TYSND1: variants seen among roughly 807,000 people sequenced by gnomAD.
TYSND1 encodes trypsin like peroxisomal matrix peptidase 1.
TYSND1 carries 30 observed loss-of-function variants against 37.2 expected under a neutral mutation model. The ratio of observed to expected loss-of-function variants is 0.81; its 90% CI spans 0.60 to 1.09. The LOEUF (loss-of-function observed/expected upper bound fraction) is 1.09, where lower values mean the gene tolerates loss of function less well. Among genes scored for constraint, TYSND1 ranks in the 50% least tolerant of loss-of-function variants. The probability of loss-of-function intolerance (pLI) is 0.00; values close to 1 mark genes in which losing one functional copy is unlikely to be tolerated. For synonymous variants in TYSND1, 364 were observed against 383.8 expected, an observed-to-expected ratio of 0.95 and a Z score of 0.60; for missense variants, 806 against 817.4, an observed-to-expected ratio of 0.99 and a Z score of 0.17.
Position 70,140,021 on chromosome 10 carries a change from A to G in TYSND1, c.1604T>C (p.Leu535Pro). The change falls in exon 4 of 4, where the codon CTA becomes CCA. Residue 535 changes from leucine to proline, a missense_variant. Around this residue, in one of 3 missense-constraint regions of TYSND1, gnomAD observed 708 missense variants for 705.4 expected, o/e 1.00. Coordinates refer to ENST00000287078, the MANE Select transcript of TYSND1 (RefSeq NM_173555.4). ...GCGGTCCAGCTCACGGAGGCCACCTAGGTCTTGGGTCTGGCTGTACTGCTG... is the reference window on the plus strand; with the variant it reads ...GCGGTCCAGCTCACGGAGGCCACCTGGGTCTTGGGTCTGGCTGTACTGCTG... ...ALQQYSQTQD[L>P]GGLRELDRAA... 1 of 1,614,190 alleles carries G rather than the reference A, an allele frequency of 6.2e-7. No individual in the cohort carries two copies. Among genetic ancestry groups the G allele is most frequent in the Non-Finnish European group, 8.5e-7 (1 of 1,180,014 alleles).
chr10:70,142,418 C>A (rs1039216714), intron 3 of TYSND1, among the ~76,000 whole-genome samples: 2 of 152,266 alleles, frequency 1.3e-5, no homozygotes, highest in Middle Eastern at 3.4e-3. Context: ...TCCAACTCCT[C>A]AATTTCACAG....
chr10:70,140,194 T>C, intron 3 of TYSND1, 53 bp from the exon 4 acceptor site: 1 of 1,483,216 alleles, frequency 6.7e-7, no homozygotes, highest in Non-Finnish European at 9.2e-7. Context: ...GCAGAAAGGC[T>C]GGAGAAGGGA....
chr10:70,146,618 C>T lies in TYSND1; in HGVS notation c.-32G>A, dbSNP rs1589869927. 1 of 1,472,684 alleles carries T rather than the reference C, an allele frequency of 6.8e-7. No individual in the cohort carries two copies. The highest frequency in any genetic ancestry group is 8.9e-7 in the Non-Finnish European group (1 of 1,118,574). The allele number at this position is 1,472,684 out of a possible 1,614,324, so 91.2% of individuals were successfully genotyped here. The stretch of plus-strand genomic sequence containing the variant: ...TAGGCCGGACACTCGGGAGCTTCTC[C>T]GAGAAACAGCAAGCTAGCGAGCGAG... On this transcript the variant is annotated 5_prime_UTR_variant, in exon 1 of 4. Transcript: ENST00000287078.
rs761934203 is a variant in TYSND1, at chr10:70,142,711, G to A, written c.1440C>T (p.Ser480=). The part of the protein sequence containing the change: ...LQTTCAVHSG[S]SGGPLFSNHS... ...GGTTGGAGAAGAGGGGTCCCCCACT[G>A]GAGCCGCTGTGCACAGCACACGTGG... Residue 480 remains serine, a synonymous_variant, in exon 3 of 4, where the codon TCC becomes TCT. Coordinates refer to ENST00000287078, the MANE Select transcript of TYSND1 (RefSeq NM_173555.4). The A allele has an allele frequency of 6.2e-7, 1 of 1,609,576 alleles. No homozygotes were observed. Among genetic ancestry groups the A allele is most frequent in the Non-Finnish European group, 8.5e-7 (1 of 1,177,802 alleles).
At chr10:70,144,146 G>T (rs1198590730) in intron 1 of TYSND1, 174 bp from the exon 2 acceptor site, 2 of 759,790 alleles carry the variant, frequency 2.6e-6, no homozygotes, top group Non-Finnish European at 4.1e-6. Context: ...TCCAAAGGTG[G>T]TTGACAAACT....
chr10:70,146,621 G>T lies in TYSND1; in HGVS notation c.-35C>A, dbSNP rs776498674. On this transcript the variant is annotated 5_prime_UTR_variant, in exon 1 of 4. Coordinates refer to ENST00000287078, the MANE Select transcript of TYSND1 (RefSeq NM_173555.4). Reference sequence around the variant, plus strand: ...GCCGGACACTCGGGAGCTTCTCCGAGAAACAGCAAGCTAGCGAGCGAGGAC... The same window carrying T: ...GCCGGACACTCGGGAGCTTCTCCGATAAACAGCAAGCTAGCGAGCGAGGAC... The T allele has an allele frequency of 2.7e-6, 4 of 1,470,200 alleles. No individual in the cohort carries two copies. Among genetic ancestry groups the T allele is most frequent in the Non-Finnish European group, 3.6e-6 (4 of 1,117,340 alleles). The allele number at this position is 1,470,200 out of a possible 1,614,324, so 91.1% of individuals were successfully genotyped here.
Position 70,139,324 on chromosome 10 carries a change from G to A in TYSND1, c.*600C>T, listed in dbSNP as rs1353807662. The A allele has an allele frequency of 6.5e-6, 1 of 152,738 alleles. No individual in the cohort carries two copies. The allele number at this position is 152,738 out of a possible 1,614,324, so 9.5% of individuals were successfully genotyped here. A position where few individuals can be genotyped will look rare whatever the true frequency, so the allele number is the denominator to read the frequency against. On this transcript the variant is annotated 3_prime_UTR_variant, in exon 4 of 4. Transcript: ENST00000287078. ...AAGGCACAGTGTCAAGAGCGCCCCT[G>A]TTGGCATATGAAGACCCAGGAGTGC...
Position 70,139,633 on chromosome 10 carries a change from G to C in TYSND1, c.*291C>G, listed in dbSNP as rs2072727878. On this transcript the variant is annotated 3_prime_UTR_variant, in exon 4 of 4. Transcript: ENST00000287078. ...TCAGGCCCAGAACTTCTGTGCAGTT[G>C]GAGTGGGCTCCCCAGAAGGAAAAAC... The C allele has an allele frequency of 3.1e-6, 1 of 317,992 alleles. No homozygotes were observed. Among genetic ancestry groups the C allele is most frequent in the Non-Finnish European group, 5.8e-6 (1 of 173,634 alleles). 19.7% of individuals were successfully genotyped at this position (317,992 alleles called of 1,614,324 possible).
intron 2 of TYSND1, 37 bp from the exon 3 acceptor site, chr10:70,142,890 C>T (rs1438886067): frequency 6.2e-7 from 1 of 1,605,500 alleles, no homozygotes; most frequent in African/African-American, 1.3e-5. Flanking sequence ...CTGGGGACAC[C>T]TGTGTTACAG....
intron 1 of TYSND1, chr10:70,144,861 C>T (rs558219968): frequency 2.2e-6 from 2 of 914,476 alleles, no homozygotes; most frequent in Non-Finnish European, 2.6e-6. Context: ...GGCTGCAAGG[C>T]TGGGCTGAAC....
Position 70,146,656 on chromosome 10 carries a change from G to C in TYSND1, c.-70C>G. The C allele has an allele frequency of 7.2e-7, 1 of 1,391,246 alleles. No individual in the cohort carries two copies. The highest frequency in any genetic ancestry group is 9.4e-7 in the Non-Finnish European group (1 of 1,069,106). The allele number at this position is 1,391,246 out of a possible 1,614,324, so 86.2% of individuals were successfully genotyped here. ...GCTAGCGAGCGAGGACCCCTACCCG[G>C]TCCGGCTGAAGCTGCCTAGCGCCAC... On this transcript the variant is annotated 5_prime_UTR_variant, in exon 1 of 4. Transcript: ENST00000287078.
rs370109228 is a variant in TYSND1, at chr10:70,142,643, G to A, written c.1483+25C>T. 382 of 1,532,368 alleles carry A rather than the reference G, an allele frequency of 2.5e-4. 2 individuals carry two copies. The highest frequency in any genetic ancestry group is 1.9e-3 in the South Asian group (154 of 82,464). 94.9% of individuals were successfully genotyped at this position (1,532,368 alleles called of 1,614,324 possible). A position where few individuals can be genotyped will look rare whatever the true frequency, so the allele number is the denominator to read the frequency against. The stretch of plus-strand genomic sequence containing the variant: ...CTGAGGTTCTGGCAAGTGGGAGGGC[G>A]GGAGGGGGCCAAAGAGCTGGTTACC... On this transcript the variant is annotated intron_variant, in intron 3 of 3. Coordinates refer to ENST00000287078, the MANE Select transcript of TYSND1 (RefSeq NM_173555.4).
intron 3 of TYSND1, 95 bp from the exon 4 acceptor site, chr10:70,140,236 GCCTGGTAGGGC>G: frequency 3.8e-6 from 4 of 1,060,052 alleles, no homozygotes; most frequent in Non-Finnish European, 5.5e-6. Flanking sequence ...AGCCCCCAGG[GCCTGGTAGGGC>G]TGGATACCAC....
chr10:70,145,517 C>T lies in TYSND1; in HGVS notation c.1070G>A (p.Gly357Asp), dbSNP rs765801570. The T allele has an allele frequency of 1.3e-6, 2 of 1,529,670 alleles. No individual in the cohort carries two copies. The highest frequency in any genetic ancestry group is 1.8e-4 in the Middle Eastern group (1 of 5,614). 94.8% of individuals were successfully genotyped at this position (1,529,670 alleles called of 1,614,324 possible). A position where few individuals can be genotyped will look rare whatever the true frequency, so the allele number is the denominator to read the frequency against. ...AVLVECGTVW[G>D]SGVAVAPRLV... Reference sequence around the variant, plus strand: ...GCGGGGTGCCACAGCCACTCCGGAGCCCCATACGGTGCCGCACTCCACCAA... The same window carrying T: ...GCGGGGTGCCACAGCCACTCCGGAGTCCCATACGGTGCCGCACTCCACCAA... The change falls in exon 1 of 4, where the codon GGC (glycine) becomes GAC (aspartate). Residue 357 changes from glycine (G) to aspartate (D), a missense_variant. Physicochemically the swap from Gly to Asp is moderately conservative, Grantham distance 94. This residue lies in a region of TYSND1 where 708 missense variants were observed against 705.4 expected (regional missense o/e 1.00). Transcript: ENST00000287078.
At chr10:70,144,549 C>A in intron 1 of TYSND1, 2 of 987,698 alleles carry the variant, frequency 2.0e-6, no homozygotes, top group Non-Finnish European at 2.4e-6. Context: ...CGTCAACTCC[C>A]GGGGAGGCAG....
rs1045387793 is a variant in TYSND1, at chr10:70,138,619, C to T, written c.*1305G>A. 1 of 152,704 alleles carries T rather than the reference C, an allele frequency of 6.5e-6. No individual in the cohort carries two copies. The highest frequency in any genetic ancestry group is 2.4e-5 in the African/African-American group (1 of 41,478). The allele number at this position is 152,704 out of a possible 1,614,324, so 9.5% of individuals were successfully genotyped here. A position where few individuals can be genotyped will look rare whatever the true frequency, so the allele number is the denominator to read the frequency against. Reference sequence around the variant, plus strand: ...GGGGGCTGCCCTGGCCTCATTCACCCTTGAACTCCCCAACTGCCACCCACC... The same window carrying T: ...GGGGGCTGCCCTGGCCTCATTCACCTTTGAACTCCCCAACTGCCACCCACC... On this transcript the variant is annotated 3_prime_UTR_variant, in exon 4 of 4. Coordinates refer to ENST00000287078, the MANE Select transcript of TYSND1 (RefSeq NM_173555.4).
rs2072736336 is a variant in TYSND1, at chr10:70,139,976, A to G, written c.1649T>C (p.Val550Ala). ...CAGGGGCCGCTGCAACCGCCACACCACCCTGACTGGCTCAGCAGCGCGGTC... is the reference window on the plus strand; with the variant it reads ...CAGGGGCCGCTGCAACCGCCACACCGCCCTGACTGGCTCAGCAGCGCGGTC... ...ELDRAAEPVR[V>A]VWRLQRPLAE... Residue 550 changes from valine to alanine, a missense_variant, in exon 4 of 4, where the codon GTG becomes GCG. Around this residue, in one of 3 missense-constraint regions of TYSND1, gnomAD observed 708 missense variants for 705.4 expected, o/e 1.00. Coordinates refer to ENST00000287078, the MANE Select transcript of TYSND1 (RefSeq NM_173555.4). The G allele has an allele frequency of 6.2e-7, 1 of 1,613,972 alleles. No individual in the cohort carries two copies. Among genetic ancestry groups the G allele is most frequent in the Non-Finnish European group, 8.5e-7 (1 of 1,179,994 alleles).
At position 70,142,869 on chromosome 10, in the gene TYSND1, G is replaced by C; in HGVS notation, c.1298-16C>G. 6.2e-7 allele frequency: 1 copy of C among 1,611,574 alleles called. No homozygotes were observed. Among genetic ancestry groups the C allele is most frequent in the Non-Finnish European group, 8.5e-7 (1 of 1,178,392 alleles). ...ACAGCCTCGCCTGCCAGGGAAGGAA[G>C]GAGGGTGAAGCTGGGGACACCTGTG... is the stretch of plus-strand genomic sequence containing the variant. On this transcript the variant is annotated splice_polypyrimidine_tract_variant and intron_variant, in intron 2 of 3. Transcript: ENST00000287078.
intron 2 of TYSND1, among the ~76,000 whole-genome samples, 184 bp downstream of exon 2, chr10:70,143,658 C>T (rs759678126): frequency 6.6e-6 from 1 of 152,224 alleles, no homozygotes; most frequent in Non-Finnish European, 1.5e-5. Flanking sequence ...GGGGAAAGGG[C>T]GTGCAGCATT....
Sources: allele counts gnomAD v4.1 joint callset (sites outside exome capture counted in the v4.1 genomes callset), GRCh38; gene constraint gnomAD v4.1.1; regional missense constraint gnomAD v4.1.1; transcripts MANE v1.5; gene names NCBI Gene and HGNC (gene_info 2026-07-23, HGNC 2026-07-21).